The following WWOX variants were observed in gnomAD, a reference collection of about 807,000 sequenced individuals.
WWOX encodes the protein WW domain-containing oxidoreductase.
Under a neutral mutation model 46.2 loss-of-function variants are expected in WWOX, and 69 were observed. The observed-to-expected ratio is 1.49, with a 90% confidence interval of 1.23 to 1.82. The LOEUF (loss-of-function observed/expected upper bound fraction) is 1.82, where lower values mean the gene tolerates loss of function less well. Ranked by LOEUF, WWOX falls within the 40% of genes most tolerant of loss-of-function variation. The pLI is 0.00. For missense variants in WWOX, 919 were observed against 542.6 expected (o/e 1.69, Z -6.89); for synonymous variants, 359 against 202.6 (o/e 1.77, Z -6.56).
chr16:78,381,807 G>A (rs878887968), intron 5 of WWOX, among the ~76,000 whole-genome samples: 1 of 152,124 alleles, frequency 6.6e-6, no homozygotes, highest in Admixed American at 6.6e-5. Flanking sequence ...AGACATATAG[G>A]TAGGAAGGAA....
At chr16:78,808,683 T>C (rs764613469) in intron 8 of WWOX, among the ~76,000 whole-genome samples, 1 of 152,220 alleles carries the variant, frequency 6.6e-6, no homozygotes, top group Non-Finnish European at 1.5e-5. Context: ...TAAGCATTTA[T>C]TTCATGTAGT....
chr16:78,384,899 G>T lies in WWOX; in HGVS notation c.517-1961G>T, dbSNP rs763424689. Reference sequence around the variant, plus strand: ...GCCTGTAATCCTAGCACTTTCGGAGGCCGGGGTGGGTGGATCACAAGGTCA... The same window carrying T: ...GCCTGTAATCCTAGCACTTTCGGAGTCCGGGGTGGGTGGATCACAAGGTCA... On this transcript the variant is annotated intron_variant, in intron 5 of 8. Transcript: ENST00000566780. Among the ~76,000 whole-genome samples, 33 of 152,070 alleles carry T rather than the reference G, an allele frequency of 2.2e-4. 1 individual carries two copies. Among genetic ancestry groups the T allele is most frequent in the Non-Finnish European group, 4.1e-4 (28 of 68,030 alleles).
rs199951924 is a variant in WWOX at position 78,771,867 on chromosome 16, C to CA, written c.1056+339124dup. 4.7e-3 allele frequency among the ~76,000 whole-genome samples: 711 copies of CA among 150,402 alleles called. 5 individuals are homozygous for CA. Among genetic ancestry groups the CA allele is most frequent in the African/African-American group, 0.016 (650 of 41,060 alleles). ...TAACGAGTTCAGTCTAGCTCTCTCA[C>CA]AAAAAAAAAGTTAAAATGACAAATT... On this transcript the variant is annotated intron_variant, in intron 8 of 8. Transcript: ENST00000566780.
At chr16:78,778,011 C>G (rs961568068) in intron 8 of WWOX, among the ~76,000 whole-genome samples, 1 of 140,994 alleles carries the variant, frequency 7.1e-6, no homozygotes, top group Non-Finnish European at 1.5e-5. Flanking sequence ...CATCACTGCA[C>G]TCCAGCCTGG....
At chr16:78,487,687 A>C (rs781642284) in intron 8 of WWOX, among the ~76,000 whole-genome samples, 1 of 152,162 alleles carries the variant, frequency 6.6e-6, no homozygotes, top group Non-Finnish European at 1.5e-5. Flanking sequence ...CTCTCCCAGT[A>C]GGGATAATAA....
intron 5 of WWOX, among the ~76,000 whole-genome samples, chr16:78,175,745 T>C (rs559373738): frequency 6.6e-6 from 1 of 152,290 alleles, no homozygotes; most frequent in Admixed American, 6.5e-5. Context: ...ACCCACAAAA[T>C]ATGGTAAGAT....
chr16:78,365,592 C>G (rs1286516383), intron 5 of WWOX, among the ~76,000 whole-genome samples: 1 of 152,198 alleles, frequency 6.6e-6, no homozygotes, highest in East Asian at 1.9e-4. Context: ...CATAGTGTTG[C>G]TTGTAATTCT....
intron 8 of WWOX, among the ~76,000 whole-genome samples, chr16:78,967,479 T>A (rs1467954708): frequency 7.3e-6 from 1 of 137,132 alleles, no homozygotes. Context: ...TTTTTTTTTT[T>A]TTCCTGCTGA....
At chr16:79,050,969 G>T (rs1003121807) in intron 8 of WWOX, among the ~76,000 whole-genome samples, 6 of 152,192 alleles carry the variant, frequency 3.9e-5, no homozygotes, top group Non-Finnish European at 7.3e-5. Flanking sequence ...AGCCTTGAGT[G>T]CTCCTTGTGA....
At chr16:78,993,976 C>A (rs1471466292) in intron 8 of WWOX, among the ~76,000 whole-genome samples, 2 of 152,186 alleles carry the variant, frequency 1.3e-5, no homozygotes, top group African/African-American at 2.4e-5. Flanking sequence ...GCCAACAGCT[C>A]AGCCCTGTCC....
chr16:79,006,312 C>A (rs1442111142), intron 8 of WWOX, among the ~76,000 whole-genome samples: 3 of 152,112 alleles, frequency 2.0e-5, no homozygotes, highest in African/African-American at 7.2e-5. Context: ...TCCAGGGACA[C>A]ACAGCCGTGC....
chr16:78,225,591 A>G (rs2037026931), intron 5 of WWOX, among the ~76,000 whole-genome samples: 1 of 152,160 alleles, frequency 6.6e-6, no homozygotes, highest in South Asian at 2.1e-4. Flanking sequence ...TGACTTTGAA[A>G]TCATTAAATT....
intron 8 of WWOX, among the ~76,000 whole-genome samples, chr16:78,577,470 C>G (rs1354786374): frequency 6.6e-6 from 1 of 152,152 alleles, no homozygotes; most frequent in Non-Finnish European, 1.5e-5. Flanking sequence ...TTCATGCAAC[C>G]TTGAATTCAC....
At position 78,480,383 on chromosome 16, in the gene WWOX, C is replaced by G. The variant is rs369716250; in HGVS notation, c.1056+47631C>G. On this transcript the variant is annotated intron_variant, in intron 8 of 8. Coordinates refer to ENST00000566780, the MANE Select transcript of WWOX (RefSeq NM_016373.4). ...ATAACTTCTGTTTATCCATTAAACT[C>G]TTTCATTTATTATTAAACATCTCAA... Among the ~76,000 whole-genome samples, 4 of 152,328 alleles carry G rather than the reference C, an allele frequency of 2.6e-5. No individual in the cohort carries two copies. In the East Asian group the frequency reaches 7.7e-4, roughly 29 times the overall value.
rs2045459635 is a variant in WWOX, at chr16:78,595,235, T to G, written c.1056+162483T>G. Among the ~76,000 whole-genome samples the G allele has an allele frequency of 2.0e-5, 3 of 152,226 alleles. 1 individual carries two copies. In the South Asian group the frequency reaches 6.2e-4, roughly 32 times the overall value. Reference sequence around the variant, plus strand: ...AGATGTCATATTCCTGCCAGCAGGTTTAGCAGTCGTGGGACTAGGGAAGTG... The same window carrying G: ...AGATGTCATATTCCTGCCAGCAGGTGTAGCAGTCGTGGGACTAGGGAAGTG... On this transcript the variant is annotated intron_variant, in intron 8 of 8. Coordinates refer to ENST00000566780, the MANE Select transcript of WWOX (RefSeq NM_016373.4).
intron 8 of WWOX, among the ~76,000 whole-genome samples, chr16:78,692,991 T>C (rs993573168): frequency 6.6e-6 from 1 of 152,180 alleles, no homozygotes; most frequent in Admixed American, 6.5e-5. Flanking sequence ...TGCTATGGGG[T>C]TGCATCCACG....
At chr16:78,767,031 T>G (rs2049938969) in intron 8 of WWOX, among the ~76,000 whole-genome samples, 1 of 152,076 alleles carries the variant, frequency 6.6e-6, no homozygotes, top group Non-Finnish European at 1.5e-5. Flanking sequence ...GTAGCATATA[T>G]CAAAATTTCT....
intron 8 of WWOX, among the ~76,000 whole-genome samples, chr16:79,093,092 C>T (rs777611192): frequency 9.2e-5 from 14 of 152,134 alleles, no homozygotes; most frequent in East Asian, 1.9e-4. Flanking sequence ...CTGTTGGTTA[C>T]GTAACTGTGG....
intron 8 of WWOX, among the ~76,000 whole-genome samples, chr16:79,014,274 A>T (rs1344422082): frequency 6.6e-6 from 1 of 152,202 alleles, no homozygotes; most frequent in East Asian, 1.9e-4. Flanking sequence ...GGAGAATACC[A>T]TGCCCACCCG....
Sources: allele counts gnomAD v4.1 joint callset (sites outside exome capture counted in the v4.1 genomes callset), GRCh38; gene constraint gnomAD v4.1.1; transcripts MANE v1.5; gene names NCBI Gene and HGNC (gene_info 2026-07-23, HGNC 2026-07-21).